Variants in NKAIN2 observed in about 807,000 individuals in gnomAD.
NKAIN2 encodes the protein sodium/potassium transporting ATPase interacting 2.
A neutral mutation model predicts 32.6 loss-of-function variants in NKAIN2; 14 were observed. That is an observed-to-expected ratio of 0.43 (90% CI 0.28 to 0.67). The LOEUF (loss-of-function observed/expected upper bound fraction) is 0.67, where lower values mean the gene tolerates loss of function less well. NKAIN2 is among the 30% of genes least tolerant of loss of function. The pLI is 0.17. For synonymous variants in NKAIN2, 80 were observed against 87.2 expected (o/e 0.92, Z 0.46); for missense variants, 198 against 258.3 (o/e 0.77, Z 1.60).
intron 2 of NKAIN2, among the ~76,000 whole-genome samples, chr6:124,286,643 TGTG>T (rs1264809423): frequency 1.9e-5 from 1 of 51,502 alleles, no homozygotes; most frequent in Non-Finnish European, 3.4e-5. Context: ...TTTGGAAAAT[TGTG>T]TGTGTGTGTG....
chr6:124,647,234 T>A (rs1353234162), intron 3 of NKAIN2, among the ~76,000 whole-genome samples: 1 of 151,748 alleles, frequency 6.6e-6, no homozygotes, highest in Admixed American at 6.6e-5. Context: ...TCATTTATAT[T>A]GTATAAAATA....
chr6:124,644,352 T>C (rs1189239023), intron 3 of NKAIN2, among the ~76,000 whole-genome samples: 1 of 152,154 alleles, frequency 6.6e-6, no homozygotes, highest in Non-Finnish European at 1.5e-5. Flanking sequence ...GTTTTTCCTA[T>C]GAATACATCC....
intron 1 of NKAIN2, among the ~76,000 whole-genome samples, chr6:124,142,751 A>G (rs1039272770): frequency 6.6e-6 from 1 of 152,240 alleles, no homozygotes; most frequent in Admixed American, 6.5e-5. Flanking sequence ...GGGGATTACT[A>G]TATTCTAGTT....
intron 4 of NKAIN2, among the ~76,000 whole-genome samples, chr6:124,734,412 T>C (rs946231805): frequency 6.6e-6 from 1 of 151,872 alleles, no homozygotes; most frequent in Non-Finnish European, 1.5e-5. Flanking sequence ...TCTTTTTAAG[T>C]GTAGTTCTCA....
At chr6:124,421,114 A>G (rs540301794) in intron 3 of NKAIN2, among the ~76,000 whole-genome samples, 1 of 148,812 alleles carries the variant, frequency 6.7e-6, no homozygotes, top group Non-Finnish European at 1.5e-5. Flanking sequence ...TCTCAGTTGG[A>G]CCCATTGTCC....
chr6:123,856,438 A>G (rs1775556807), intron 1 of NKAIN2, among the ~76,000 whole-genome samples: 1 of 152,218 alleles, frequency 6.6e-6, no homozygotes, highest in African/African-American at 2.4e-5. Context: ...TTCTGAAATT[A>G]TCATTTGATA....
chr6:124,699,707 C>G (rs1165342892), intron 4 of NKAIN2, among the ~76,000 whole-genome samples: 1 of 152,128 alleles, frequency 6.6e-6, no homozygotes, highest in Non-Finnish European at 1.5e-5. Flanking sequence ...TGAGGTCTCC[C>G]CAGAAGCAGA....
chr6:124,060,678 A>T (rs1782881474), intron 1 of NKAIN2, among the ~76,000 whole-genome samples: 2 of 152,200 alleles, frequency 1.3e-5, no homozygotes, highest in Non-Finnish European at 1.5e-5. Context: ...ATGAAAGGAT[A>T]ACTTTTTCCT....
At position 124,764,715 on chromosome 6, in the gene NKAIN2, C is replaced by T. The variant is rs539014870; in HGVS notation, c.475-26624C>T. On this transcript the variant is annotated intron_variant, in intron 4 of 6. Transcript: ENST00000368417. ...TTATCATATTTCTTTGAGTCGATAC[C>T]TTTGAGCCTTCCTAGATGGCTTCTT... Among the ~76,000 whole-genome samples the T allele has an allele frequency of 8.5e-5, 13 of 152,206 alleles. 1 individual carries two copies. In the East Asian group the frequency reaches 2.3e-3, roughly 27 times the overall value.
intron 3 of NKAIN2, among the ~76,000 whole-genome samples, chr6:124,464,175 A>G (rs1408924011): frequency 6.6e-6 from 1 of 151,988 alleles, no homozygotes; most frequent in African/African-American, 2.4e-5. Flanking sequence ...TTTAGTAGAG[A>G]TGGAGTTTTG....
intron 1 of NKAIN2, among the ~76,000 whole-genome samples, chr6:123,982,121 C>T (rs1778927754): frequency 6.6e-6 from 1 of 151,804 alleles, no homozygotes; most frequent in South Asian, 2.1e-4. Flanking sequence ...CACCAAGAAG[C>T]CTGATATTTG....
chr6:124,100,030 T>G (rs975758006), intron 1 of NKAIN2, among the ~76,000 whole-genome samples: 1 of 152,226 alleles, frequency 6.6e-6, no homozygotes, highest in Non-Finnish European at 1.5e-5. Flanking sequence ...ACCTTCATTC[T>G]TGTGATTGGA....
At chr6:124,463,348 T>G (rs537145135) in intron 3 of NKAIN2, among the ~76,000 whole-genome samples, 3 of 152,126 alleles carry the variant, frequency 2.0e-5, no homozygotes, top group Non-Finnish European at 4.4e-5. Flanking sequence ...CACGTTTTAC[T>G]GTAGCAAGTG....
At chr6:123,827,506 C>T (rs1774196976) in intron 1 of NKAIN2, among the ~76,000 whole-genome samples, 2 of 152,058 alleles carry the variant, frequency 1.3e-5, no homozygotes, top group Non-Finnish European at 2.9e-5. Flanking sequence ...TCAGCATCAG[C>T]CAGTAAGAAG....
intron 4 of NKAIN2, among the ~76,000 whole-genome samples, chr6:124,683,574 A>G (rs1447550911): frequency 2.0e-5 from 3 of 152,168 alleles, no homozygotes; most frequent in Non-Finnish European, 4.4e-5. Context: ...AAGATTCTGC[A>G]AGGCTGAGCA....
chr6:124,118,098 C>G (rs1785703044), intron 1 of NKAIN2, among the ~76,000 whole-genome samples: 1 of 151,774 alleles, frequency 6.6e-6, no homozygotes, highest in African/African-American at 2.4e-5. Context: ...TAAACAGAGC[C>G]CTGGGGATAA....
intron 1 of NKAIN2, among the ~76,000 whole-genome samples, chr6:124,269,660 G>A (rs1342025754): frequency 6.6e-6 from 1 of 151,596 alleles, no homozygotes; most frequent in Non-Finnish European, 1.5e-5. Context: ...TAGAGATAGG[G>A]TTTCACCATG....
At chr6:124,237,868 G>A (rs1036617514) in intron 1 of NKAIN2, among the ~76,000 whole-genome samples, 3 of 152,104 alleles carry the variant, frequency 2.0e-5, no homozygotes. Context: ...GCACAGAAGA[G>A]CAGTTACACT....
At chr6:124,651,813 C>T (rs1249555614) in intron 3 of NKAIN2, among the ~76,000 whole-genome samples, 1 of 152,130 alleles carries the variant, frequency 6.6e-6, no homozygotes, top group Non-Finnish European at 1.5e-5. Context: ...CACAGAAATG[C>T]CTTCAGAATC....
Sources: gnomAD v4.1 joint callset for allele counts (sites outside exome capture counted in the v4.1 genomes callset) on GRCh38, gnomAD v4.1.1 for gene constraint, MANE v1.5 for transcripts, NCBI Gene and HGNC (gene_info 2026-07-23, HGNC 2026-07-21) for gene names.